The following CCDC148 variants were observed in gnomAD, a reference collection of about 807,000 sequenced individuals.
The protein encoded by CCDC148 is coiled-coil domain containing 148.
A neutral mutation model predicts 85.7 loss-of-function variants in CCDC148; 89 were observed. The observed-to-expected ratio is 1.04, with a 90% confidence interval of 0.87 to 1.24. CCDC148 has a LOEUF of 1.24. Ranked by LOEUF, CCDC148 falls within the 50% of genes most tolerant of loss-of-function variation. CCDC148 has a pLI of 0.00. For synonymous variants in CCDC148, 230 were observed against 213.9 expected (o/e 1.08, Z -0.66); for missense variants, 692 against 671.7 (o/e 1.03, Z -0.33).
At chr2:158,302,581 C>T (rs1213642737) in intron 9 of CCDC148, among the ~76,000 whole-genome samples, 3 of 152,002 alleles carry the variant, frequency 2.0e-5, no homozygotes, top group Non-Finnish European at 4.4e-5. Context: ...GTCAGGAGAT[C>T]GAGACCATCC....
intron 1 of CCDC148, among the ~76,000 whole-genome samples, chr2:158,369,066 G>T (rs1309434156): frequency 6.6e-6 from 1 of 152,034 alleles, no homozygotes; most frequent in East Asian, 1.9e-4. Flanking sequence ...CCCCATGACG[G>T]TGAGTCTTCT....
intron 1 of CCDC148, among the ~76,000 whole-genome samples, chr2:158,406,663 C>A: frequency 2.5e-5 from 1 of 40,532 alleles, no homozygotes; most frequent in African/African-American, 7.8e-5. Context: ...CCCTCCATTA[C>A]CCAGGCTGGA....
intron 2 of CCDC148, among the ~76,000 whole-genome samples, chr2:158,356,833 A>G (rs71434706): frequency 7.8e-6 from 1 of 128,002 alleles, no homozygotes; most frequent in Middle Eastern, 3.6e-3. Flanking sequence ...AACCAACCCA[A>G]ATGTCCAACA....
At chr2:158,282,186 A>C (rs1156780851) in intron 9 of CCDC148, among the ~76,000 whole-genome samples, 2 of 152,010 alleles carry the variant, frequency 1.3e-5, no homozygotes, top group African/African-American at 4.8e-5. Flanking sequence ...GAATGGGCAA[A>C]AACTGGAAGC....
At chr2:158,279,107 T>C (rs574673495) in intron 9 of CCDC148, among the ~76,000 whole-genome samples, 135 of 152,192 alleles carry the variant, frequency 8.9e-4, no homozygotes, top group African/African-American at 3.0e-3. Context: ...AGAAAGGACA[T>C]CCACACCAAA....
intron 8 of CCDC148, among the ~76,000 whole-genome samples, chr2:158,311,745 C>G (rs1391795235): frequency 6.6e-6 from 1 of 152,086 alleles, no homozygotes; most frequent in Non-Finnish European, 1.5e-5. Context: ...ACAATTTTAC[C>G]TTTAATTACT....
chr2:158,256,246 C>T (rs140650661), intron 9 of CCDC148, among the ~76,000 whole-genome samples: 2 of 151,800 alleles, frequency 1.3e-5, no homozygotes, highest in African/African-American at 2.4e-5. Context: ...GCTTTTGAGA[C>T]CCATCTTTGT....
intron 9 of CCDC148, among the ~76,000 whole-genome samples, chr2:158,283,358 G>A (rs1050891110): frequency 1.6e-4 from 24 of 152,292 alleles, no homozygotes; most frequent in Non-Finnish European, 2.2e-4. Flanking sequence ...CAACATGGGA[G>A]AAAATTTTTG....
intron 1 of CCDC148, chr2:158,447,582 T>C (rs558220450): frequency 6.6e-6 from 1 of 152,226 alleles, no homozygotes; most frequent in African/African-American, 2.4e-5. Context: ...GTATTGTCAA[T>C]TTTTGGTTTA....
chr2:158,351,305 G>C (rs1683262571), intron 2 of CCDC148, among the ~76,000 whole-genome samples: 1 of 152,198 alleles, frequency 6.6e-6, no homozygotes, highest in African/African-American at 2.4e-5. Flanking sequence ...GGTGATTTCT[G>C]CATTTCCATC....
intron 1 of CCDC148, among the ~76,000 whole-genome samples, chr2:158,418,091 CT>C (rs1234575369): frequency 6.6e-6 from 1 of 151,360 alleles, no homozygotes; most frequent in Non-Finnish European, 1.5e-5. Context: ...GTAAAAATCC[CT>C]TGAGTGTTTT....
At chr2:158,344,335 A>G (rs1682888424) in intron 3 of CCDC148, among the ~76,000 whole-genome samples, 1 of 152,140 alleles carries the variant, frequency 6.6e-6, no homozygotes, top group African/African-American at 2.4e-5. Flanking sequence ...ACCACTTTCA[A>G]TTATAAGCCT....
rs186048830 is a variant in CCDC148 at position 158,395,395 on chromosome 2, T to G, written c.26-36825A>C. 7.9e-5 allele frequency among the ~76,000 whole-genome samples: 12 copies of G among 152,222 alleles called. No homozygotes were observed. In the East Asian group the frequency reaches 2.3e-3, roughly 29 times the overall value. On this transcript the variant is annotated intron_variant, in intron 1 of 13. Transcript: ENST00000283233. Reference sequence around the variant, plus strand: ...ATTCCTATTATCTCAGCTAGTTGTTTGAAGGATATAATCTGATTAACTTCA... The same window carrying G: ...ATTCCTATTATCTCAGCTAGTTGTTGGAAGGATATAATCTGATTAACTTCA...
At chr2:158,240,448 TCTCTCACACACACA>T (rs1559010385) in intron 10 of CCDC148, among the ~76,000 whole-genome samples, 2 of 47,720 alleles carry the variant, frequency 4.2e-5, no homozygotes, top group African/African-American at 5.1e-5. Flanking sequence ...TCTCTCTCTC[TCTCTCACACACACA>T]CACACACACA....
At chr2:158,307,274 G>T (rs1407883000) in intron 9 of CCDC148, among the ~76,000 whole-genome samples, 6 of 151,932 alleles carry the variant, frequency 3.9e-5, no homozygotes, top group Non-Finnish European at 2.9e-5. Flanking sequence ...GACTTGAGTG[G>T]GCTTCTCACA....
intron 11 of CCDC148, among the ~76,000 whole-genome samples, chr2:158,201,761 T>A (rs1245796566): frequency 6.6e-6 from 1 of 152,166 alleles, no homozygotes; most frequent in Non-Finnish European, 1.5e-5. Context: ...CATATGGTTA[T>A]ATTATCTTAC....
chr2:158,338,103 G>GTC (rs1289691713), intron 7 of CCDC148, among the ~76,000 whole-genome samples: 1 of 152,066 alleles, frequency 6.6e-6, no homozygotes, highest in Non-Finnish European at 1.5e-5. Flanking sequence ...CATTGATCTA[G>GTC]TTCAGAGTGG....
intron 9 of CCDC148, among the ~76,000 whole-genome samples, chr2:158,303,404 T>C (rs4514833): frequency 0.95 from 144,484 of 152,222 alleles, 68,627 homozygotes; most frequent in East Asian, 1. Flanking sequence ...GTGTGAACCT[T>C]AGGCAAGTCA....
At position 158,197,935 on chromosome 2, in the gene CCDC148, A is replaced by G. The variant is rs143951820; in HGVS notation, c.1371-18939T>C. Among the ~76,000 whole-genome samples the G allele has an allele frequency of 1.3e-3, 191 of 147,540 alleles. 3 individuals are homozygous for G. The highest frequency in any genetic ancestry group is 1.1e-3 in the African/African-American group (42 of 37,140). On this transcript the variant is annotated intron_variant, in intron 11 of 13. Coordinates refer to ENST00000283233, the MANE Select transcript of CCDC148 (RefSeq NM_138803.4). ...ATCAATTAATTCTAATGAATTAATC[A>G]ATTAATTCAAAAAGTCAGAATTAAC...
Sources: gnomAD v4.1 joint callset for allele counts (sites outside exome capture counted in the v4.1 genomes callset) on GRCh38, gnomAD v4.1.1 for gene constraint, MANE v1.5 for transcripts, NCBI Gene and HGNC (gene_info 2026-07-23, HGNC 2026-07-21) for gene names.